ZHX3: variants seen among roughly 807,000 people sequenced by gnomAD.
ZHX3 encodes zinc fingers and homeoboxes 3.
A neutral mutation model predicts 64.5 loss-of-function variants in ZHX3; 20 were observed. The observed-to-expected ratio is 0.31, with a 90% CI of 0.22 to 0.45. The LOEUF (loss-of-function observed/expected upper bound fraction) is 0.45, where lower values mean the gene tolerates loss of function less well. Among genes scored for constraint, ZHX3 ranks in the 20% least tolerant of loss-of-function variants. The pLI, the probability that ZHX3 is intolerant of heterozygous loss-of-function variation, is 1.00. For missense variants in ZHX3, 1,041 were observed against 1,195.8 expected (o/e 0.87, Z 1.91); for synonymous variants, 423 against 461.6 (o/e 0.92, Z 1.07).
intron 1 of ZHX3, among the ~76,000 whole-genome samples, chr20:41,292,456 A>C (rs2044297287): frequency 6.6e-6 from 1 of 152,202 alleles, no homozygotes; most frequent in South Asian, 2.1e-4. Context: ...TATGGGTCAC[A>C]GTGCTGTTTG....
chr20:41,297,506 G>A (rs1287355838), intron 1 of ZHX3, among the ~76,000 whole-genome samples: 3 of 152,180 alleles, frequency 2.0e-5, no homozygotes, highest in Non-Finnish European at 2.9e-5. Flanking sequence ...TAGCAGCCTC[G>A]CAAACATCCC....
At chr20:41,193,979 C>A (rs1339215376) in intron 3 of ZHX3, among the ~76,000 whole-genome samples, 3 of 152,214 alleles carry the variant, frequency 2.0e-5, no homozygotes, top group East Asian at 3.9e-4. Flanking sequence ...GGATTACAGG[C>A]GTGAGCTACC....
chr20:41,310,246 A>G (rs1473785604), intron 1 of ZHX3, among the ~76,000 whole-genome samples: 2 of 151,954 alleles, frequency 1.3e-5, no homozygotes, highest in Non-Finnish European at 2.9e-5. Flanking sequence ...CCATGGTCCT[A>G]TCTCAGTGGA....
intron 1 of ZHX3, among the ~76,000 whole-genome samples, chr20:41,292,095 T>C (rs1395693402): frequency 1.3e-5 from 2 of 151,716 alleles, no homozygotes; most frequent in African/African-American, 2.4e-5. Context: ...TCAATCTGGA[T>C]TGAATATTGG....
intron 2 of ZHX3, among the ~76,000 whole-genome samples, chr20:41,209,228 T>C (rs1166648149): frequency 1.3e-5 from 2 of 152,134 alleles, no homozygotes; most frequent in Non-Finnish European, 2.9e-5. Context: ...TGCTCATGGA[T>C]AGGAAGAATC....
chr20:41,293,911 A>C (rs866520279), intron 1 of ZHX3, among the ~76,000 whole-genome samples: 20 of 152,158 alleles, frequency 1.3e-4, no homozygotes, highest in African/African-American at 4.8e-4. Flanking sequence ...CAGATCTCTA[A>C]TTTTCTGATG....
Position 41,203,983 on chromosome 20 carries a change from C to A in ZHX3, c.934G>T (p.Ala312Ser). Reference sequence around the variant, plus strand: ...TTCAGGAAGCTGTTAGAGTCCATGGCTGCATTGTACGTTGGAATGCTGCTC... The same window carrying A: ...TTCAGGAAGCTGTTAGAGTCCATGGATGCATTGTACGTTGGAATGCTGCTC... ...PLSSIPTYNA[A>S]MDSNSFLKNS... Residue 312 changes from alanine (A) to serine (S), a missense_variant, in exon 3 of 4, where the codon GCC (alanine) becomes TCC (serine). Ala to Ser is a moderately conservative substitution (Grantham distance 99). Transcript: ENST00000683867. This position sits in a 1 kb window ranked among gnomAD's most constrained non-coding sequence, Gnocchi z 7.1. The A allele has an allele frequency of 6.2e-7, 1 of 1,614,252 alleles. No individual in the cohort carries two copies. Among genetic ancestry groups the A allele is most frequent in the Non-Finnish European group, 8.5e-7 (1 of 1,180,042 alleles).
chr20:41,297,538 T>C (rs984259569), intron 1 of ZHX3, among the ~76,000 whole-genome samples: 2 of 152,194 alleles, frequency 1.3e-5, no homozygotes, highest in Non-Finnish European at 2.9e-5. Flanking sequence ...TGTGCCATGG[T>C]TTCATGTGGA....
intron 2 of ZHX3, among the ~76,000 whole-genome samples, chr20:41,241,300 GTATGTCT>G (rs1487429278): frequency 6.6e-6 from 1 of 152,150 alleles, no homozygotes; most frequent in Non-Finnish European, 1.5e-5. Context: ...TTTGCCATTT[GTATGTCT>G]TCTGAGAAAT....
chr20:41,270,717 A>G (rs950121901), intron 1 of ZHX3, among the ~76,000 whole-genome samples: 1 of 151,798 alleles, frequency 6.6e-6, no homozygotes, highest in African/African-American at 2.4e-5. Flanking sequence ...GCTGCTGTTC[A>G]TAGTCAGGGG....
intron 2 of ZHX3, among the ~76,000 whole-genome samples, chr20:41,253,245 TAA>T (rs11469825): frequency 0.44 from 63,840 of 144,106 alleles, 13,912 homozygotes; most frequent in East Asian, 0.75. Context: ...GGGACTACAG[TAA>T]AAAAAAAAAA....
At chr20:41,269,178 A>G (rs982882305) in intron 1 of ZHX3, 95 bp from the exon 2 acceptor site, 5 of 152,196 alleles carry the variant, frequency 3.3e-5, no homozygotes, top group Admixed American at 6.5e-5. Flanking sequence ...ATTCATTCGC[A>G]CTAGAACTAT....
At chr20:41,241,898 A>G (rs183014763) in intron 2 of ZHX3, among the ~76,000 whole-genome samples, 1 of 152,320 alleles carries the variant, frequency 6.6e-6, no homozygotes, top group Non-Finnish European at 1.5e-5. Flanking sequence ...CTTATGTATC[A>G]TATTTATAAA....
At chr20:41,265,829 C>T (rs771503707) in intron 2 of ZHX3, among the ~76,000 whole-genome samples, 2 of 152,168 alleles carry the variant, frequency 1.3e-5, no homozygotes, top group African/African-American at 4.8e-5. Flanking sequence ...TAGAGAAAGA[C>T]TGCCATAAGG....
At chr20:41,237,344 C>T (rs998614197) in intron 2 of ZHX3, among the ~76,000 whole-genome samples, 2 of 152,150 alleles carry the variant, frequency 1.3e-5, no homozygotes, top group African/African-American at 4.8e-5. Flanking sequence ...TTCACAATAA[C>T]AAAGACTTGG....
chr20:41,282,655 GC>G (rs1309613269), intron 1 of ZHX3, among the ~76,000 whole-genome samples: 1 of 152,104 alleles, frequency 6.6e-6, no homozygotes, highest in African/African-American at 2.4e-5. Context: ...ACCGCACCCA[GC>G]CCACGATTCA....
chr20:41,209,906 G>A (rs935452087), intron 2 of ZHX3, among the ~76,000 whole-genome samples: 1 of 152,146 alleles, frequency 6.6e-6, no homozygotes, highest in African/African-American at 2.4e-5. Context: ...GAGTGAACAG[G>A]CAACCTACAG....
chr20:41,275,729 G>C (rs2043348484), intron 1 of ZHX3, among the ~76,000 whole-genome samples: 2 of 152,084 alleles, frequency 1.3e-5, no homozygotes, highest in Admixed American at 1.3e-4. Context: ...CTATTCTTTG[G>C]TCTTACCACT....
intron 1 of ZHX3, among the ~76,000 whole-genome samples, chr20:41,283,554 C>T (rs1041268631): frequency 6.6e-6 from 1 of 152,020 alleles, no homozygotes; most frequent in Non-Finnish European, 1.5e-5. Context: ...GTCAGGAGAT[C>T]GAGACCATCC....
Sources: gnomAD v4.1 joint callset for allele counts (sites outside exome capture counted in the v4.1 genomes callset) on GRCh38, gnomAD v4.1.1 for gene constraint, Gnocchi (gnomAD v3.1) non-coding constraint, MANE v1.5 for transcripts, NCBI Gene and HGNC (gene_info 2026-07-23, HGNC 2026-07-21) for gene names.